RYR3: variants seen among roughly 807,000 people sequenced by gnomAD.
RYR3 encodes the protein brain ryanodine receptor-calcium release channel.
Under a neutral mutation model 584.3 loss-of-function variants are expected in RYR3, and 207 were observed. The ratio of observed to expected loss-of-function variants is 0.35; its 90% confidence interval spans 0.32 to 0.40. The LOEUF (loss-of-function observed/expected upper bound fraction) is 0.40. RYR3 is among the 10% of genes least tolerant of loss of function. RYR3 has a pLI of 1.00. For missense variants in RYR3, 5,616 were observed against 6,089.2 expected (o/e 0.92, Z 2.59); for synonymous variants, 2,416 against 2,248.5 (o/e 1.07, Z -2.11).
intron 1 of RYR3, among the ~76,000 whole-genome samples, chr15:33,378,264 C>T (rs1455007747): frequency 6.6e-6 from 1 of 152,212 alleles, no homozygotes; most frequent in East Asian, 1.9e-4. Flanking sequence ...GCACTTTCTT[C>T]CACAGATCTT....
Position 33,749,961 on chromosome 15 carries a change from C to G in RYR3, c.8200-18C>G. On this transcript the variant is annotated intron_variant, in intron 55 of 103. Transcript: ENST00000634891. Reference sequence around the variant, plus strand: ...TGCTTTCTTTCTTTTTGACTTGGCTCTTCTTGGTGGGACACAGGGAATGGT... The same window carrying G: ...TGCTTTCTTTCTTTTTGACTTGGCTGTTCTTGGTGGGACACAGGGAATGGT... The G allele has an allele frequency of 6.2e-7, 1 of 1,608,626 alleles. No individual in the cohort carries two copies. The highest frequency in any genetic ancestry group is 1.1e-5 in the South Asian group (1 of 89,700).
Position 33,838,889 on chromosome 15 carries a change from C to G in RYR3, c.12909C>G (p.Leu4303=). The change falls in exon 89 of 104, where the codon CTC becomes CTG. Residue 4303 remains leucine (L), a synonymous_variant. Coordinates refer to ENST00000634891, the MANE Select transcript of RYR3 (RefSeq NM_001036.6). ...KHGPEVGLGD[L]SEIIGKDEPP... The stretch of plus-strand genomic sequence containing the variant: ...GGCCTGAAGTGGGTTTGGGTGACCT[C>G]TCAGAAATTATTGGCAAGGATGAAC... 1.2e-6 allele frequency: 2 copies of G among 1,613,966 alleles called. No homozygotes were observed. The highest frequency in any genetic ancestry group is 2.2e-5 in the East Asian group (1 of 44,876).
intron 10 of RYR3, among the ~76,000 whole-genome samples, chr15:33,556,411 T>G (rs1461426710): frequency 3.3e-5 from 5 of 152,234 alleles, no homozygotes; most frequent in Admixed American, 3.3e-4. Flanking sequence ...ACACTAGCTT[T>G]TCCCAAGAGG....
At chr15:33,388,751 T>C in intron 1 of RYR3, among the ~76,000 whole-genome samples, 1 of 152,122 alleles carries the variant, frequency 6.6e-6, no homozygotes, top group Non-Finnish European at 1.5e-5. Context: ...AAGACAGACA[T>C]GGCTACAGAA....
At chr15:33,747,376 CTTT>C (rs34350928) in intron 53 of RYR3, among the ~76,000 whole-genome samples, 1,316 of 95,090 alleles carry the variant, frequency 0.014, 25 homozygotes, top group African/African-American at 0.05. Context: ...AAAGAGAAAT[CTTT>C]TTTTTTTTTT....
At chr15:33,334,060 T>C (rs1250223256) in intron 1 of RYR3, among the ~76,000 whole-genome samples, 1 of 152,240 alleles carries the variant, frequency 6.6e-6, no homozygotes, top group Non-Finnish European at 1.5e-5. Flanking sequence ...AAACATTCCA[T>C]GCTCATGGAT....
Position 33,660,410 on chromosome 15 carries a change from C to G in RYR3, c.4609C>G (p.Pro1537Ala). Residue 1537 changes from proline (P) to alanine (A), a missense_variant, in exon 34 of 104, where the codon CCC becomes GCC. This residue lies in a region of RYR3 where 753 missense variants were observed against 741.0 expected (regional missense o/e 1.02). Transcript: ENST00000634891. ...EPLQMMALHIPEENRCVDILE... is the reference protein window; with the variant it reads ...EPLQMMALHIAEENRCVDILE... ...CCTGCAGATGATGGCGCTCCACATC[C>G]CCGAGGAGAACAGGTACCAGAGGGG... The G allele has an allele frequency of 6.4e-7, 1 of 1,564,714 alleles. No individual in the cohort carries two copies. The highest frequency in any genetic ancestry group is 8.7e-7 in the Non-Finnish European group (1 of 1,154,308).
intron 75 of RYR3, 23 bp from the exon 76 acceptor site, chr15:33,818,555 C>G (rs1484503484): frequency 6.4e-7 from 1 of 1,574,158 alleles, no homozygotes; most frequent in East Asian, 2.2e-5. Context: ...ATGCCTAAAA[C>G]CTATCTGTGT....
rs7172373 is a variant in RYR3 at position 33,694,027 on chromosome 15, T to A, written c.5861-2191T>A. ...CGGAGCACCAGGAGGACGTTACTTT[T>A]CTTGAAAATCTCAAAAGTTTTGTCA... On this transcript the variant is annotated intron_variant, in intron 38 of 103. Coordinates refer to ENST00000634891, the MANE Select transcript of RYR3 (RefSeq NM_001036.6). Among the ~76,000 whole-genome samples the A allele has an allele frequency of 7.0e-3, 1,061 of 152,210 alleles. 18 individuals carry two copies. Among genetic ancestry groups the A allele is most frequent in the African/African-American group, 0.024 (992 of 41,530 alleles).
At chr15:33,859,972 C>G (rs1485405736) in intron 100 of RYR3, among the ~76,000 whole-genome samples, 1 of 152,164 alleles carries the variant, frequency 6.6e-6, no homozygotes, top group Admixed American at 6.5e-5. Flanking sequence ...TTCTGTTCCT[C>G]TACTCTGAAT....
chr15:33,810,164 C>G (rs1298228699), intron 70 of RYR3, among the ~76,000 whole-genome samples: 1 of 152,186 alleles, frequency 6.6e-6, no homozygotes, highest in Non-Finnish European at 1.5e-5. Flanking sequence ...TGTCAGTTAA[C>G]AAATCATTCT....
chr15:33,622,824 C>T (rs2060794255), intron 19 of RYR3, among the ~76,000 whole-genome samples: 1 of 152,166 alleles, frequency 6.6e-6, no homozygotes, highest in African/African-American at 2.4e-5. Flanking sequence ...TGTGAAAGCT[C>T]TATTTCTGAT....
intron 1 of RYR3, 166 bp from the exon 2 acceptor site, chr15:33,473,253 T>C: frequency 1.2e-6 from 1 of 822,392 alleles, no homozygotes; most frequent in South Asian, 1.3e-5. Flanking sequence ...CTCCGTGATG[T>C]CCTGTGAATA....
At chr15:33,372,358 ATT>A (rs59663566) in intron 1 of RYR3, among the ~76,000 whole-genome samples, 3,009 of 75,708 alleles carry the variant, frequency 0.04, 42 homozygotes, top group African/African-American at 0.085. Context: ...TGCCCGGCTA[ATT>A]TTTTTTTTTT....
chr15:33,763,632 C>G (rs532529498), intron 60 of RYR3, among the ~76,000 whole-genome samples: 1 of 152,184 alleles, frequency 6.6e-6, no homozygotes, highest in East Asian at 1.9e-4. Flanking sequence ...GTGGCTCATG[C>G]CTGTAAACCC....
At chr15:33,741,587 G>T (rs72713295) in intron 51 of RYR3, among the ~76,000 whole-genome samples, 29,993 of 151,946 alleles carry the variant, frequency 0.2, 3,094 homozygotes, top group African/African-American at 0.27. Context: ...CTACTGTACT[G>T]CCAAAATTCT....
chr15:33,742,802 T>C (rs955982031), intron 52 of RYR3, among the ~76,000 whole-genome samples: 1 of 126,632 alleles, frequency 7.9e-6, no homozygotes, highest in African/African-American at 2.8e-5. Context: ...TGAATGCAGA[T>C]TGGAAAAAAA....
chr15:33,696,551 T>C, intron 39 of RYR3, 60 bp downstream of exon 39: 1 of 1,500,410 alleles, frequency 6.7e-7, no homozygotes, highest in Non-Finnish European at 9.2e-7. Context: ...AAAACTGACT[T>C]ACCTTGATAT....
At chr15:33,717,619 C>G (rs1051458675) in intron 43 of RYR3, among the ~76,000 whole-genome samples, 1 of 152,198 alleles carries the variant, frequency 6.6e-6, no homozygotes, top group Admixed American at 6.5e-5. Context: ...TCCTTCTACT[C>G]TCTTATATTG....
Sources: allele counts gnomAD v4.1 joint callset (sites outside exome capture counted in the v4.1 genomes callset), GRCh38; gene constraint gnomAD v4.1.1; regional missense constraint gnomAD v4.1.1; transcripts MANE v1.5; gene names NCBI Gene and HGNC (gene_info 2026-07-23, HGNC 2026-07-21).